CDK13: variants seen among roughly 807,000 people sequenced by gnomAD.
The protein encoded by CDK13 is cyclin dependent kinase 13.
A neutral mutation model predicts 137.6 loss-of-function variants in CDK13; 40 were observed. That is an observed-to-expected ratio of 0.29 (90% CI 0.23 to 0.38). The LOEUF (loss-of-function observed/expected upper bound fraction) is 0.38. Ranked by LOEUF, CDK13 falls within the 10% of genes least tolerant of loss-of-function variation. The pLI is 1.00. For synonymous variants in CDK13, 869 were observed against 760.1 expected, an observed-to-expected ratio of 1.14 and a Z score of -2.36; for missense variants, 1,704 against 1,951.8, an observed-to-expected ratio of 0.87 and a Z score of 2.39.
rs2150551091 is a variant in CDK13 at position 40,098,587 on chromosome 7, C to T, written c.*3607C>T. 6.6e-6 allele frequency: 1 copy of T among 151,056 alleles called. No homozygotes were observed. Among genetic ancestry groups the T allele is most frequent in the East Asian group, 1.9e-4 (1 of 5,160 alleles). 9.4% of individuals were successfully genotyped at this position (151,056 alleles called of 1,614,324 possible). A position where few individuals can be genotyped will look rare whatever the true frequency, so the allele number is the denominator to read the frequency against. ...GTTTTAAAAGTCTGAACGAGATGTCCCAGTAACCTAAAATTATCCAGTCGG... is the reference window on the plus strand; with the variant it reads ...GTTTTAAAAGTCTGAACGAGATGTCTCAGTAACCTAAAATTATCCAGTCGG... On this transcript the variant is annotated 3_prime_UTR_variant, in exon 14 of 14. Transcript: ENST00000181839.
At chr7:39,953,549 C>T (rs985210500) in intron 1 of CDK13, among the ~76,000 whole-genome samples, 1 of 151,970 alleles carries the variant, frequency 6.6e-6, no homozygotes, top group African/African-American at 2.4e-5. Flanking sequence ...AATATATAAT[C>T]GTGGTATGTA....
intron 1 of CDK13, among the ~76,000 whole-genome samples, chr7:39,965,582 C>T (rs1190458127): frequency 1.3e-5 from 2 of 152,146 alleles, no homozygotes. Context: ...ATTTGCCCAT[C>T]TGTGTCTTTT....
Position 39,987,839 on chromosome 7 carries a change from C to T in CDK13, c.1452C>T (p.Ala484=). The T allele has an allele frequency of 6.2e-7, 1 of 1,614,160 alleles. No homozygotes were observed. The highest frequency in any genetic ancestry group is 8.5e-7 in the Non-Finnish European group (1 of 1,180,034). ...CAACTAAGGCTGCTGAGGCTGCTGC[C>T]AAGGCTGCAAAAGCTTCAAACACTT... The part of the protein sequence containing the change: ...AEATKAAEAA[A]KAAKASNTST... Residue 484 remains alanine (A), a synonymous_variant, in exon 2 of 14, where the codon GCC becomes GCT. Transcript: ENST00000181839.
At chr7:40,079,533 T>C (rs143184448) in intron 11 of CDK13, among the ~76,000 whole-genome samples, 7 of 152,366 alleles carry the variant, frequency 4.6e-5, no homozygotes, top group Non-Finnish European at 1.0e-4. Flanking sequence ...TAAGCATTTT[T>C]CATTTATTAC....
At chr7:39,987,004 C>G (rs1287327039) in intron 1 of CDK13, 1 of 152,198 alleles carries the variant, frequency 6.6e-6, no homozygotes, top group Non-Finnish European at 1.5e-5. Context: ...GTTGGCCAGG[C>G]TGGTCTCGAA....
At chr7:39,981,898 TCTC>T (rs1183347490) in intron 1 of CDK13, among the ~76,000 whole-genome samples, 2 of 150,542 alleles carry the variant, frequency 1.3e-5, no homozygotes, top group Admixed American at 6.6e-5. Context: ...TTCATGCCAT[TCTC>T]CTGCCTCAGC....
At chr7:39,989,683 G>A (rs1427548497) in intron 2 of CDK13, among the ~76,000 whole-genome samples, 1 of 151,898 alleles carries the variant, frequency 6.6e-6, no homozygotes, top group Non-Finnish European at 1.5e-5. Flanking sequence ...GTAGTGATTT[G>A]TAATTGTGAG....
At chr7:39,971,721 A>G (rs188594978) in intron 1 of CDK13, among the ~76,000 whole-genome samples, 4 of 152,198 alleles carry the variant, frequency 2.6e-5, no homozygotes, top group African/African-American at 7.2e-5. Context: ...TGTCTTTACT[A>G]AAAATACAAA....
chr7:40,054,946 C>T (rs1235132506), intron 7 of CDK13, among the ~76,000 whole-genome samples: 3 of 151,950 alleles, frequency 2.0e-5, no homozygotes, highest in Admixed American at 2.0e-4. Context: ...TTTGGAAGGC[C>T]AAGATGTGGA....
At chr7:40,009,058 A>C (rs1014672846) in intron 5 of CDK13, among the ~76,000 whole-genome samples, 1 of 152,184 alleles carries the variant, frequency 6.6e-6, no homozygotes, top group East Asian at 1.9e-4. Context: ...TTGATGATAA[A>C]ATAAATATTT....
chr7:40,075,730 T>G (rs1467404042), intron 9 of CDK13, among the ~76,000 whole-genome samples: 3 of 152,166 alleles, frequency 2.0e-5, no homozygotes, highest in African/African-American at 7.2e-5. Context: ...TATTGTGGAC[T>G]GGGTGCAGCG....
chr7:40,037,680 A>G (rs973566318), intron 5 of CDK13, among the ~76,000 whole-genome samples: 2 of 152,164 alleles, frequency 1.3e-5, no homozygotes, highest in Admixed American at 1.3e-4. Flanking sequence ...TTCAGTTTCA[A>G]TTTCAGAGTA....
intron 2 of CDK13, among the ~76,000 whole-genome samples, chr7:39,996,654 T>C (rs1040579679): frequency 2.0e-5 from 3 of 152,164 alleles, no homozygotes; most frequent in Non-Finnish European, 4.4e-5. Flanking sequence ...TGCTTTCTTT[T>C]ATTTCTTACG....
chr7:39,990,350 C>T (rs1253572385), intron 2 of CDK13, among the ~76,000 whole-genome samples: 2 of 152,006 alleles, frequency 1.3e-5, no homozygotes, highest in African/African-American at 4.8e-5. Context: ...GATTCATGAG[C>T]ACTTCTACTA....
chr7:40,057,654 A>G (rs560025702), intron 7 of CDK13, among the ~76,000 whole-genome samples: 1 of 152,358 alleles, frequency 6.6e-6, no homozygotes, highest in South Asian at 2.1e-4. Flanking sequence ...ACAGTAAAGA[A>G]GAACAGAGAT....
chr7:39,970,559 C>T (rs192447713), intron 1 of CDK13, among the ~76,000 whole-genome samples: 130 of 151,906 alleles, frequency 8.6e-4, no homozygotes, highest in Non-Finnish European at 1.1e-3. Context: ...CTCCCAGGTT[C>T]AAGCAATTCT....
At chr7:40,018,942 T>C (rs1315084442) in intron 5 of CDK13, among the ~76,000 whole-genome samples, 1 of 152,222 alleles carries the variant, frequency 6.6e-6, no homozygotes, top group African/African-American at 2.4e-5. Context: ...ATGTTCTTCA[T>C]TGTATTGTTT....
At chr7:40,017,376 ATTAAC>A (rs552049733) in intron 5 of CDK13, among the ~76,000 whole-genome samples, 162 of 152,266 alleles carry the variant, frequency 1.1e-3, no homozygotes, top group African/African-American at 3.7e-3. Flanking sequence ...TTATAGCTAA[ATTAAC>A]TTATAAGGAA....
chr7:40,057,204 G>A (rs1001562658), intron 7 of CDK13, among the ~76,000 whole-genome samples: 37 of 152,054 alleles, frequency 2.4e-4, no homozygotes, highest in African/African-American at 8.5e-4. Flanking sequence ...GCAGTGAGCC[G>A]AGATCACGCC....
Sources: allele counts gnomAD v4.1 joint callset (sites outside exome capture counted in the v4.1 genomes callset), GRCh38; gene constraint gnomAD v4.1.1; transcripts MANE v1.5; gene names NCBI Gene and HGNC (gene_info 2026-07-23, HGNC 2026-07-21).